Variants in MBNL1 observed in about 807,000 individuals in gnomAD.
MBNL1 encodes muscleblind like splicing regulator 1.
MBNL1 carries 8 observed loss-of-function variants against 42.2 expected under a neutral mutation model. The ratio of observed to expected loss-of-function variants is 0.19; its 90% CI spans 0.11 to 0.34. MBNL1 has a LOEUF of 0.34. Ranked by LOEUF, MBNL1 falls within the 10% of genes least tolerant of loss-of-function variation. The pLI is 1.00. For synonymous variants in MBNL1, 169 were observed against 173.9 expected (o/e 0.97, Z 0.22); for missense variants, 309 against 495.3 (o/e 0.62, Z 3.57).
At chr3:152,312,830 C>T (rs1228369331) in intron 2 of MBNL1, among the ~76,000 whole-genome samples, 1 of 152,062 alleles carries the variant, frequency 6.6e-6, no homozygotes, top group African/African-American at 2.4e-5. Flanking sequence ...CTAGATTGGC[C>T]TGTATGCTCT....
chr3:152,428,731 A>G (rs2098968390), intron 3 of MBNL1, among the ~76,000 whole-genome samples: 1 of 152,166 alleles, frequency 6.6e-6, no homozygotes, highest in Non-Finnish European at 1.5e-5. Context: ...ACGAGTGAGG[A>G]GTGGCCAGGG....
chr3:152,346,961 T>C (rs1203205509), intron 2 of MBNL1, among the ~76,000 whole-genome samples: 3 of 151,602 alleles, frequency 2.0e-5, no homozygotes, highest in Non-Finnish European at 4.4e-5. Context: ...GGAGGATCGC[T>C]TGAGTCCAGA....
chr3:152,382,757 A>G (rs1158031662), intron 2 of MBNL1, among the ~76,000 whole-genome samples: 2 of 152,128 alleles, frequency 1.3e-5, no homozygotes, highest in African/African-American at 4.8e-5. Context: ...AGCAGGGGCT[A>G]TCTTTTCCTT....
intron 2 of MBNL1, among the ~76,000 whole-genome samples, chr3:152,329,759 A>G (rs927936458): frequency 8.8e-5 from 13 of 147,932 alleles, no homozygotes; most frequent in African/African-American, 3.2e-4. Context: ...TATATATATA[A>G]TTTCTTTCAA....
intron 6 of MBNL1, among the ~76,000 whole-genome samples, chr3:152,451,545 C>T (rs192299846): frequency 6.6e-6 from 1 of 152,192 alleles, no homozygotes; most frequent in African/African-American, 2.4e-5. Flanking sequence ...TGATTGTATG[C>T]CACATGGTAT....
intron 2 of MBNL1, among the ~76,000 whole-genome samples, chr3:152,360,405 G>GA (rs1488619537): frequency 1.3e-5 from 2 of 151,884 alleles, no homozygotes; most frequent in Non-Finnish European, 2.9e-5. Flanking sequence ...TGTTTTCATT[G>GA]AAAAAAATCA....
At chr3:152,429,136 G>C (rs563520054) in intron 3 of MBNL1, among the ~76,000 whole-genome samples, 1 of 152,248 alleles carries the variant, frequency 6.6e-6, no homozygotes, top group African/African-American at 2.4e-5. Context: ...ATACTCTACT[G>C]TTGTAAGGAT....
chr3:152,447,268 A>G (rs750539584), intron 5 of MBNL1, among the ~76,000 whole-genome samples: 6 of 152,132 alleles, frequency 3.9e-5, no homozygotes, highest in African/African-American at 7.2e-5. Flanking sequence ...ATACTTGTCA[A>G]TCCTCATGGA....
Position 152,299,888 on chromosome 3 carries a change from G to T in MBNL1, c.-306G>T. The T allele has an allele frequency of 2.5e-6, 1 of 407,852 alleles. No individual in the cohort carries two copies. Among genetic ancestry groups the T allele is most frequent in the South Asian group, 1.1e-4 (1 of 9,424 alleles). 25.3% of individuals were successfully genotyped at this position (407,852 alleles called of 1,614,324 possible). ...AAATTGGCACTGGGAAGGGGTTACT[G>T]AGAGCACAAGGCTGATACCAGGCCC... On this transcript the variant is annotated 5_prime_UTR_variant, in exon 2 of 10. It introduces an in-frame stop codon into an upstream open reading frame of the 5' UTR. Coordinates refer to ENST00000324210, the MANE Select transcript of MBNL1 (RefSeq NM_021038.5).
At chr3:152,397,368 C>A (rs1434372371) in intron 2 of MBNL1, among the ~76,000 whole-genome samples, 1 of 152,106 alleles carries the variant, frequency 6.6e-6, no homozygotes, top group Non-Finnish European at 1.5e-5. Context: ...GCACCCCTAC[C>A]CCTGACAGGC....
In MBNL1 at chr3:152,300,131, T is replaced by C. The variant is rs2060117476; in HGVS notation, c.-63T>C. The C allele has an allele frequency of 4.3e-6, 5 of 1,149,804 alleles. No individual in the cohort carries two copies. The highest frequency in any genetic ancestry group is 2.4e-6 in the Non-Finnish European group (2 of 824,530). 71.2% of individuals were successfully genotyped at this position (1,149,804 alleles called of 1,614,324 possible). A position where few individuals can be genotyped will look rare whatever the true frequency, so the allele number is the denominator to read the frequency against. ...AGCTTTTTTTTTTTGGTTGTTGCTC[T>C]TTTTTGGGGGGGTTGGGTTTGTTGG... is the stretch of plus-strand genomic sequence containing the variant. On this transcript the variant is annotated 5_prime_UTR_variant, in exon 2 of 10. Transcript: ENST00000324210.
chr3:152,427,401 T>C (rs910903206), intron 3 of MBNL1, among the ~76,000 whole-genome samples: 1 of 152,184 alleles, frequency 6.6e-6, no homozygotes, highest in Admixed American at 6.5e-5. Flanking sequence ...CTACCCTTTT[T>C]TTAAAGATAG....
chr3:152,256,859 TA>T (rs969527988), intron 2 of MBNL1, among the ~76,000 whole-genome samples: 26 of 151,930 alleles, frequency 1.7e-4, no homozygotes, highest in Non-Finnish European at 3.2e-4. Context: ...AAGCCGCCCA[TA>T]AAAAACATTA....
intron 2 of MBNL1, among the ~76,000 whole-genome samples, chr3:152,380,639 A>G (rs1439207632): frequency 1.3e-5 from 2 of 152,090 alleles, no homozygotes; most frequent in Admixed American, 1.3e-4. Flanking sequence ...CAGATACCTT[A>G]ATACATTATA....
chr3:152,410,068 A>G (rs2098529185), intron 2 of MBNL1, among the ~76,000 whole-genome samples: 1 of 151,992 alleles, frequency 6.6e-6, no homozygotes, highest in Non-Finnish European at 1.5e-5. Flanking sequence ...TTAATTACCT[A>G]GCTTCCATTA....
intron 8 of MBNL1, chr3:152,459,068 G>A (rs1262823746): frequency 2.4e-6 from 1 of 421,412 alleles, no homozygotes; most frequent in Non-Finnish European, 4.3e-6. Context: ...TTATAGAATA[G>A]TATTTAACAT....
Position 152,463,251 on chromosome 3 carries a change from T to C in MBNL1, c.*885T>C, listed in dbSNP as rs1801769. On this transcript the variant is annotated 3_prime_UTR_variant, in exon 10 of 10. Coordinates refer to ENST00000324210, the MANE Select transcript of MBNL1 (RefSeq NM_021038.5). ...TCAATACAGATAAACTCACACATAC[T>C]GGAGATATATATATAATAGATATAT... The C allele has an allele frequency of 0.21, 31,531 of 150,438 alleles. 3,522 individuals are homozygous for C. The highest frequency in any genetic ancestry group is 0.28 in the South Asian group (1,347 of 4,778). 9.3% of individuals were successfully genotyped at this position (150,438 alleles called of 1,614,324 possible).
chr3:152,277,333 TCTC>T (rs1243233042), intron 1 of MBNL1, among the ~76,000 whole-genome samples: 5 of 152,130 alleles, frequency 3.3e-5, no homozygotes, highest in African/African-American at 1.2e-4. Flanking sequence ...ACCAGGCAGT[TCTC>T]CTCTCTTATT....
At chr3:152,284,220 A>G (rs1577107612) in intron 1 of MBNL1, among the ~76,000 whole-genome samples, 1 of 152,114 alleles carries the variant, frequency 6.6e-6, no homozygotes, top group South Asian at 2.1e-4. Flanking sequence ...TTCTTTTCCT[A>G]GGATAGTAGG....
Sources: gnomAD v4.1 joint callset for allele counts (sites outside exome capture counted in the v4.1 genomes callset) on GRCh38, gnomAD v4.1.1 for gene constraint, MANE v1.5 for transcripts, NCBI Gene and HGNC (gene_info 2026-07-23, HGNC 2026-07-21) for gene names.